CLASP1: variants seen among roughly 807,000 people sequenced by gnomAD.
CLASP1 encodes the protein cytoplasmic linker associated protein 1, also known as CLIP-associating protein 1.
Under a neutral mutation model 192.3 loss-of-function variants are expected in CLASP1, and 38 were observed. The observed-to-expected ratio is 0.20, with a 90% confidence interval of 0.15 to 0.26. The LOEUF (loss-of-function observed/expected upper bound fraction) is 0.26. Ranked by LOEUF, CLASP1 falls within the 10% of genes least tolerant of loss-of-function variation. The probability of loss-of-function intolerance (pLI) is 1.00; values close to 1 mark genes in which losing one functional copy is unlikely to be tolerated. For synonymous variants in CLASP1, 691 were observed against 712.8 expected, an observed-to-expected ratio of 0.97 and a Z score of 0.49; for missense variants, 1,433 against 1,932.5, an observed-to-expected ratio of 0.74 and a Z score of 4.85.
chr2:121,395,592 T>A (rs746032881), intron 30 of CLASP1, among the ~76,000 whole-genome samples: 46 of 152,316 alleles, frequency 3.0e-4, no homozygotes, highest in Non-Finnish European at 5.4e-4. Context: ...ATGACTACTG[T>A]CCTTTCCCTA....
chr2:121,511,742 C>T (rs564876448), intron 7 of CLASP1, among the ~76,000 whole-genome samples: 58 of 152,262 alleles, frequency 3.8e-4, no homozygotes, highest in South Asian at 6.2e-4. Context: ...AAACAGTTGA[C>T]AGCGTTTGCC....
chr2:121,506,825 G>A lies in CLASP1; in HGVS notation c.645-3591C>T, dbSNP rs1034249899. Among the ~76,000 whole-genome samples the A allele has an allele frequency of 3.9e-5, 6 of 152,194 alleles. No individual in the cohort carries two copies. In the East Asian group the frequency reaches 5.8e-4, roughly 15 times the overall value. On this transcript the variant is annotated intron_variant, in intron 7 of 39. Coordinates refer to ENST00000263710, the Ensembl canonical transcript of CLASP1. ...ATCTCTGTTCAATCATTAGCTCACC[G>A]CTAAGCTAACCAACCAGAGAATTCA...
intron 28 of CLASP1, among the ~76,000 whole-genome samples, chr2:121,400,474 T>C (rs1311723548): frequency 1.3e-5 from 2 of 152,166 alleles, no homozygotes; most frequent in African/African-American, 4.8e-5. Flanking sequence ...ACTGTGCTAG[T>C]CAAGGGAGCC....
chr2:121,431,746 G>T (rs72967394), intron 19 of CLASP1, among the ~76,000 whole-genome samples: 5,943 of 135,004 alleles, frequency 0.044, 159 homozygotes, highest in East Asian at 0.15. Flanking sequence ...CATTCCCTTG[G>T]TTTTTTTTTT....
chr2:121,390,009 G>C (rs2074068515), intron 30 of CLASP1, among the ~76,000 whole-genome samples: 1 of 152,224 alleles, frequency 6.6e-6, no homozygotes, highest in South Asian at 2.1e-4. Flanking sequence ...GGAGTAGCTG[G>C]GATTATAGGC....
intron 23 of CLASP1, among the ~76,000 whole-genome samples, chr2:121,415,661 A>G (rs2078451742): frequency 1.3e-5 from 2 of 152,246 alleles, no homozygotes; most frequent in African/African-American, 4.8e-5. Flanking sequence ...ATATGCTTCC[A>G]TTCATTACTC....
chr2:121,520,072 A>G (rs1403938411), intron 6 of CLASP1, among the ~76,000 whole-genome samples: 2 of 152,168 alleles, frequency 1.3e-5, no homozygotes, highest in African/African-American at 4.8e-5. Flanking sequence ...AAGGTCTCCA[A>G]CGTCTGACCA....
chr2:121,387,895 A>C (rs2073600862), exon 31 of CLASP1: 1 of 1,610,248 alleles, frequency 6.2e-7, no homozygotes, highest in South Asian at 1.1e-5. Context: ...AGATTAGCAC[A>C]ATCTGTGCTG....
At chr2:121,545,879 G>A (rs2095318732) in intron 2 of CLASP1, among the ~76,000 whole-genome samples, 1 of 150,682 alleles carries the variant, frequency 6.6e-6, no homozygotes, top group Non-Finnish European at 1.5e-5. Context: ...AAGTGTCTCA[G>A]AATTGAAATT....
At chr2:121,435,440 A>C (rs1263138773) in intron 19 of CLASP1, among the ~76,000 whole-genome samples, 1 of 151,768 alleles carries the variant, frequency 6.6e-6, no homozygotes, top group Non-Finnish European at 1.5e-5. Flanking sequence ...ACGACCGGCT[A>C]ATTTTGTATT....
chr2:121,528,567 C>T, intron 4 of CLASP1, 110 bp downstream of exon 4: 1 of 791,796 alleles, frequency 1.3e-6, no homozygotes, highest in Non-Finnish European at 2.2e-6. Flanking sequence ...TGTAATACAT[C>T]AGCTTAAGTC....
intron 12 of CLASP1, 128 bp downstream of exon 12, chr2:121,459,852 G>A: frequency 1.4e-6 from 1 of 739,082 alleles, no homozygotes; most frequent in African/African-American, 1.8e-5. Context: ...AGTGTTAACT[G>A]GAATGGGTCT....
intron 1 of CLASP1, among the ~76,000 whole-genome samples, chr2:121,638,967 C>CCATT (rs2071469086): frequency 6.6e-6 from 1 of 152,198 alleles, no homozygotes; most frequent in African/African-American, 2.4e-5. Flanking sequence ...CTGTGCCCAG[C>CCATT]CAACAATGGA....
chr2:121,495,824 T>G (rs1331953849), intron 8 of CLASP1, among the ~76,000 whole-genome samples: 1 of 152,158 alleles, frequency 6.6e-6, no homozygotes, highest in Non-Finnish European at 1.5e-5. Context: ...TGGAGGAGAA[T>G]CTATTATTCT....
intron 2 of CLASP1, among the ~76,000 whole-genome samples, chr2:121,553,782 T>A (rs1317270103): frequency 6.6e-6 from 1 of 152,196 alleles, no homozygotes; most frequent in Non-Finnish European, 1.5e-5. Flanking sequence ...TCATTAATTA[T>A]GAATTAATGC....
rs375839222 is a variant in CLASP1, at chr2:121,469,985, C to G, written c.713-25G>C. On this transcript the variant is annotated intron_variant, in intron 8 of 39. Transcript: ENST00000263710. ...TCTGAACAGTAAGCACAGAAACCAA[C>G]GTTTTTTTAAAAACAAAAACTATAT... 3 of 1,581,250 alleles carry G rather than the reference C, an allele frequency of 1.9e-6. No individual in the cohort carries two copies. In the African/African-American group the frequency reaches 4.1e-5, roughly 22 times the overall value.
chr2:121,584,625 C>T lies in CLASP1; in HGVS notation c.195+21076G>A, dbSNP rs1032652701. 1.3e-5 allele frequency among the ~76,000 whole-genome samples: 2 copies of T among 151,984 alleles called. 1 individual carries two copies. Among genetic ancestry groups the T allele is most frequent in the Admixed American group, 1.3e-4 (2 of 15,280 alleles). On this transcript the variant is annotated intron_variant, in intron 2 of 39. Transcript: ENST00000263710. ...TAAAAATGGTGGGGTATGTACCCCACAATTCTTTTTTTTTTCTGGAAACAG... is the reference window on the plus strand; with the variant it reads ...TAAAAATGGTGGGGTATGTACCCCATAATTCTTTTTTTTTTCTGGAAACAG...
At chr2:121,464,015 T>A in intron 9 of CLASP1, among the ~76,000 whole-genome samples, 1 of 114,222 alleles carries the variant, frequency 8.8e-6, no homozygotes, top group East Asian at 2.7e-4. Flanking sequence ...CCCACAACAG[T>A]CCCCAGAGTG....
chr2:121,439,429 ATTTTGGATCT>A (rs1173388897), intron 19 of CLASP1, among the ~76,000 whole-genome samples: 4 of 151,728 alleles, frequency 2.6e-5, no homozygotes, highest in Non-Finnish European at 4.4e-5. Flanking sequence ...TAGGGTGTCA[ATTTTGGATCT>A]TTCCTTTCTC....
Sources: gnomAD v4.1 joint callset for allele counts (sites outside exome capture counted in the v4.1 genomes callset) on GRCh38, gnomAD v4.1.1 for gene constraint, MANE v1.5 for transcripts, NCBI Gene and HGNC (gene_info 2026-07-23, HGNC 2026-07-21) for gene names.